Variants in TNRC6A observed in about 807,000 individuals in gnomAD.
TNRC6A encodes trinucleotide repeat-containing gene 6A protein.
TNRC6A carries 44 observed loss-of-function variants against 221.2 expected under a neutral mutation model. The ratio of observed to expected loss-of-function variants is 0.20; its 90% CI spans 0.16 to 0.26. TNRC6A has a LOEUF of 0.26. Ranked by LOEUF, TNRC6A falls within the 10% of genes least tolerant of loss-of-function variation. The pLI, the probability that TNRC6A is intolerant of heterozygous loss-of-function variation, is 1.00. For missense variants in TNRC6A, 2,199 were observed against 2,404.4 expected, an observed-to-expected ratio of 0.91 and a Z score of 1.79; for synonymous variants, 847 against 838.5, an observed-to-expected ratio of 1.01 and a Z score of -0.18.
At chr16:24,650,995 A>ATT (rs1483793802) in intron 2 of TNRC6A, among the ~76,000 whole-genome samples, 2 of 152,190 alleles carry the variant, frequency 1.3e-5, no homozygotes, top group Non-Finnish European at 2.9e-5. Context: ...TGGCTACTGG[A>ATT]TTGAACAGTG....
At chr16:24,779,136 GAGA>G (rs1200969693) in intron 5 of TNRC6A, among the ~76,000 whole-genome samples, 2 of 152,184 alleles carry the variant, frequency 1.3e-5, no homozygotes, top group African/African-American at 2.4e-5. Flanking sequence ...GGGTTCAGAT[GAGA>G]AGAAGGCCTC....
intron 2 of TNRC6A, among the ~76,000 whole-genome samples, chr16:24,706,981 TTATTTATG>T (rs1293414041): frequency 2.5e-4 from 21 of 83,442 alleles, no homozygotes; most frequent in South Asian, 7.3e-4. Flanking sequence ...TTATCTATTT[TTATTTATG>T]TATTTATTTA....
chr16:24,667,892 G>A (rs543329073), intron 2 of TNRC6A, among the ~76,000 whole-genome samples: 17 of 151,976 alleles, frequency 1.1e-4, no homozygotes, highest in African/African-American at 3.6e-4. Context: ...GGGCGTGATG[G>A]CACATGCCCA....
intron 5 of TNRC6A, among the ~76,000 whole-genome samples, chr16:24,788,648 CTTTT>C (rs10564095): frequency 6.9e-5 from 8 of 115,228 alleles, no homozygotes; most frequent in Admixed American, 8.7e-5. Flanking sequence ...CTCCAAAATT[CTTTT>C]TTTTTTTTTT....
chr16:24,816,612 A>C (rs967998001), intron 19 of TNRC6A: 20 of 561,622 alleles, frequency 3.6e-5, no homozygotes, highest in Middle Eastern at 4.8e-4. Flanking sequence ...AGATGATTTC[A>C]GTTGTAAAAA....
chr16:24,738,286 T>G (rs1262391068), intron 2 of TNRC6A, among the ~76,000 whole-genome samples: 1 of 152,196 alleles, frequency 6.6e-6, no homozygotes, highest in African/African-American at 2.4e-5. Context: ...ACAGCTTTAT[T>G]CAGATAAAAT....
chr16:24,631,329 T>A (rs1176066291), intron 1 of TNRC6A, among the ~76,000 whole-genome samples: 2 of 152,152 alleles, frequency 1.3e-5, no homozygotes, highest in Non-Finnish European at 2.9e-5. Context: ...AAGTCTCAGA[T>A]GTCATCTTTC....
In TNRC6A at chr16:24,814,371, C is replaced by T. The variant is rs560681352; in HGVS notation, c.4673-776C>T. Among the ~76,000 whole-genome samples the T allele has an allele frequency of 4.1e-5, 6 of 147,136 alleles. No homozygotes were observed. In the East Asian group the frequency reaches 1.2e-3, roughly 29 times the overall value. ...GACTTGGTTTTCCCTTCCAAATTTACTCCTTCTGGTGTCATTTTTTTCTTT... is the reference window on the plus strand; with the variant it reads ...GACTTGGTTTTCCCTTCCAAATTTATTCCTTCTGGTGTCATTTTTTTCTTT... On this transcript the variant is annotated intron_variant, in intron 18 of 24. Coordinates refer to ENST00000395799, the MANE Select transcript of TNRC6A (RefSeq NM_014494.4).
chr16:24,633,390 T>A (rs971664649), intron 1 of TNRC6A, among the ~76,000 whole-genome samples: 1 of 152,092 alleles, frequency 6.6e-6, no homozygotes, highest in African/African-American at 2.4e-5. Flanking sequence ...GTATTTATTT[T>A]TTTTTCTTTT....
chr16:24,725,125 C>G (rs2056470351), upstream of TNRC6A, among the ~76,000 whole-genome samples: 1 of 152,084 alleles, frequency 6.6e-6, no homozygotes, highest in South Asian at 2.1e-4. Flanking sequence ...GGTTCCATTC[C>G]TAATGGATTG....
chr16:24,714,189 G>A (rs1231488630), intron 2 of TNRC6A, among the ~76,000 whole-genome samples: 1 of 150,770 alleles, frequency 6.6e-6, no homozygotes, highest in African/African-American at 2.4e-5. Flanking sequence ...CTGGTGATCT[G>A]TTCATTTCAC....
In TNRC6A at chr16:24,815,166, C is replaced by T; in HGVS notation, c.4692C>T (p.Phe1564=). ...TGTTAGGTGCTATTTCAAGTGGTTT[C>T]AGGCTGGAAGAGTCTCCATTTGTTC... ...SSKHGAISSG[F]RLEESPFVPY... is the part of the protein sequence containing the mutation. The change falls in exon 19 of 25, where the codon TTC becomes TTT. Residue 1564 remains phenylalanine, a synonymous_variant. Transcript: ENST00000395799. The T allele has an allele frequency of 6.2e-7, 1 of 1,613,790 alleles. No homozygotes were observed.
intron 2 of TNRC6A, among the ~76,000 whole-genome samples, chr16:24,686,089 G>A (rs554186270): frequency 2.0e-5 from 3 of 152,292 alleles, no homozygotes; most frequent in East Asian, 1.9e-4. Context: ...ACCTGGCTTC[G>A]TGGGGGTTAA....
chr16:24,652,282 T>A (rs1047863506), intron 2 of TNRC6A, among the ~76,000 whole-genome samples: 4 of 152,196 alleles, frequency 2.6e-5, no homozygotes, highest in African/African-American at 9.6e-5. Context: ...TAGAATTCAC[T>A]GCAATCCCGA....
chr16:24,797,665 A>C lies in TNRC6A; in HGVS notation c.3642+95A>C, dbSNP rs535756631. 11 of 1,132,650 alleles carry C rather than the reference A, an allele frequency of 9.7e-6. No individual in the cohort carries two copies. In the East Asian group the frequency reaches 2.9e-4, roughly 30 times the overall value. 70.2% of individuals were successfully genotyped at this position (1,132,650 alleles called of 1,614,324 possible). The stretch of plus-strand genomic sequence containing the variant: ...TTTTAAGAATTATTTTTCATCTTCG[A>C]GTCCTTAGGAATGTACTTGATGTTA... On this transcript the variant is annotated intron_variant, in intron 10 of 24. Coordinates refer to ENST00000395799, the MANE Select transcript of TNRC6A (RefSeq NM_014494.4).
In TNRC6A at chr16:24,809,458, T is replaced by C; in HGVS notation, c.4649T>C (p.Leu1550Ser). The C allele has an allele frequency of 6.3e-7, 1 of 1,581,932 alleles. No homozygotes were observed. Among genetic ancestry groups the C allele is most frequent in the Non-Finnish European group, 8.6e-7 (1 of 1,162,444 alleles). ...GACAGCATTTCTGTGAACACATCTTTGGATCAAAACTCCAGCAAACATGGT... is the reference window on the plus strand; with the variant it reads ...GACAGCATTTCTGTGAACACATCTTCGGATCAAAACTCCAGCAAACATGGT... ...TVDSISVNTSLDQNSSKHGAI... is the reference protein window; with the variant it reads ...TVDSISVNTSSDQNSSKHGAI... The change falls in exon 18 of 25, where the codon TTG becomes TCG. Residue 1550 changes from leucine (L) to serine (S), a missense_variant. By Grantham distance (145) the Leu-to-Ser change is moderately radical (BLOSUM62 -2). Transcript: ENST00000395799.
chr16:24,643,665 C>T (rs1243590473), intron 2 of TNRC6A, among the ~76,000 whole-genome samples: 1 of 152,156 alleles, frequency 6.6e-6, no homozygotes, highest in Non-Finnish European at 1.5e-5. Context: ...AATAATACTT[C>T]TGTAGTGGAC....
chr16:24,794,315 A>G (rs1377128634), intron 7 of TNRC6A, among the ~76,000 whole-genome samples: 1 of 152,236 alleles, frequency 6.6e-6, no homozygotes, highest in Non-Finnish European at 1.5e-5. Flanking sequence ...GATTTGTTAA[A>G]GGCATGGAGG....
At chr16:24,822,352 A>G (rs933534869) in intron 23 of TNRC6A, among the ~76,000 whole-genome samples, 7 of 152,170 alleles carry the variant, frequency 4.6e-5, no homozygotes, top group African/African-American at 1.4e-4. Context: ...AACCAAGCAT[A>G]CAGATTCCCA....
Sources: gnomAD v4.1 joint callset for allele counts (sites outside exome capture counted in the v4.1 genomes callset) on GRCh38, gnomAD v4.1.1 for gene constraint, MANE v1.5 for transcripts, NCBI Gene and HGNC (gene_info 2026-07-23, HGNC 2026-07-21) for gene names.